The following ATM variants were observed in gnomAD, a reference collection of about 807,000 sequenced individuals.
ATM encodes serine-protein kinase ATM.
In ATM, 308 loss-of-function variants were observed where a neutral mutation model predicts 387.0. The observed-to-expected ratio is 0.80, with a 90% CI of 0.73 to 0.87. ATM has a LOEUF of 0.87. ATM is among the 40% of genes least tolerant of loss of function. The pLI, the probability that ATM is intolerant of heterozygous loss-of-function variation, is 0.00. For synonymous variants in ATM, 1,156 were observed against 1,187.3 expected, an observed-to-expected ratio of 0.97 and a Z score of 0.54; for missense variants, 3,312 against 3,560.9, an observed-to-expected ratio of 0.93 and a Z score of 1.78.
rs562933185 is a variant in ATM at position 108,367,601 on chromosome 11, G to A, written c.*2093G>A. The A allele has an allele frequency of 7.2e-5, 15 of 208,286 alleles. No individual in the cohort carries two copies. In the South Asian group the frequency reaches 2.4e-3, roughly 34 times the overall value. 12.9% of individuals were successfully genotyped at this position (208,286 alleles called of 1,614,324 possible). A position where few individuals can be genotyped will look rare whatever the true frequency, so the allele number is the denominator to read the frequency against. The stretch of plus-strand genomic sequence containing the variant: ...TGCGGAGATTAACAAATGGGTGATT[G>A]AGCTTTCTCCTCGTATTTGGACCTT... On this transcript the variant is annotated 3_prime_UTR_variant, in exon 63 of 63. Transcript: ENST00000675843.
In ATM at chr11:108,259,820, C is replaced by T. The variant is rs573110817; in HGVS notation, c.2466+745C>T. The stretch of plus-strand genomic sequence containing the variant: ...TACATTCTTTTTTCTGGAACACTGC[C>T]GGGCATACAAAGTAGTTATTGAAAT... On this transcript the variant is annotated intron_variant, in intron 16 of 62. Transcript: ENST00000675843. Among the ~76,000 whole-genome samples the T allele has an allele frequency of 2.8e-3, 428 of 152,172 alleles. 2 individuals are homozygous for T. Among genetic ancestry groups the T allele is most frequent in the African/African-American group, 8.5e-3 (354 of 41,524 alleles).
chr11:108,261,185 G>A (rs1435701309), intron 16 of ATM, among the ~76,000 whole-genome samples: 2 of 152,328 alleles, frequency 1.3e-5, no homozygotes, highest in Non-Finnish European at 2.9e-5. Context: ...TCTGGGGGCA[G>A]GGCACAAACA....
intron 37 of ATM, among the ~76,000 whole-genome samples, chr11:108,305,241 C>T (rs562571606): frequency 3.3e-5 from 5 of 152,246 alleles, no homozygotes; most frequent in East Asian, 1.9e-4. Context: ...GGTGCAGATA[C>T]GATAGAATTT....
chr11:108,229,600 C>A, intron 4 of ATM: 1 of 308,964 alleles, frequency 3.2e-6, no homozygotes, highest in Non-Finnish European at 5.9e-6. Flanking sequence ...GCACTCAGGC[C>A]AGCCTGATTT....
At chr11:108,268,278 A>G (rs2081371183) in intron 17 of ATM, 132 bp from the exon 18 acceptor site, 5 of 738,458 alleles carry the variant, frequency 6.8e-6, no homozygotes, top group South Asian at 3.3e-5. Context: ...AGCTTTCAGT[A>G]TATAATTAAT....
At position 108,310,454 on chromosome 11, in the gene ATM, T is replaced by A. The variant is rs1029725208; in HGVS notation, c.5918+139T>A. 4 of 785,410 alleles carry A rather than the reference T, an allele frequency of 5.1e-6. No homozygotes were observed. The African/African-American group carries it at 5.2e-5, about 10-fold the overall frequency. 48.7% of individuals were successfully genotyped at this position (785,410 alleles called of 1,614,324 possible). On this transcript the variant is annotated intron_variant, in intron 39 of 62. Coordinates refer to ENST00000675843, the MANE Select transcript of ATM (RefSeq NM_000051.4). Reference sequence around the variant, plus strand: ...TAGAAATTTTGTTTTAAAGTGAAATTATAATAAATTTTTAAAAAGGAATAT... The same window carrying A: ...TAGAAATTTTGTTTTAAAGTGAAATAATAATAAATTTTTAAAAAGGAATAT...
At chr11:108,279,174 C>A (rs763739297) in intron 22 of ATM, among the ~76,000 whole-genome samples, 2 of 152,144 alleles carry the variant, frequency 1.3e-5, no homozygotes, top group African/African-American at 4.8e-5. Flanking sequence ...AATTGGTGTT[C>A]GGCCAGAGAA....
intron 59 of ATM, among the ~76,000 whole-genome samples, chr11:108,351,038 C>G (rs1199948134): frequency 1.3e-5 from 2 of 152,078 alleles, no homozygotes; most frequent in Admixed American, 1.3e-4. Context: ...AATGGATGAA[C>G]AAATTGTCGT....
chr11:108,345,179 T>C (rs1335303184), intron 57 of ATM, among the ~76,000 whole-genome samples: 1 of 152,154 alleles, frequency 6.6e-6, no homozygotes, highest in East Asian at 1.9e-4. Flanking sequence ...AGATGCTGAA[T>C]GGGCAGCTTG....
At chr11:108,252,325 C>T (rs1019971322) in intron 11 of ATM, among the ~76,000 whole-genome samples, 2 of 152,082 alleles carry the variant, frequency 1.3e-5, no homozygotes, top group Middle Eastern at 3.4e-3. Context: ...TAAGTAAGTC[C>T]ATATATTTGA....
At chr11:108,227,562 A>G (rs1255921981) in intron 1 of ATM, 33 bp from the exon 2 acceptor site, 3 of 1,254,150 alleles carry the variant, frequency 2.4e-6, no homozygotes, top group Non-Finnish European at 3.5e-6. Flanking sequence ...ATATACATAT[A>G]CATATATATA....
intron 61 of ATM, among the ~76,000 whole-genome samples, chr11:108,363,113 T>G (rs868626567): frequency 1.3e-5 from 2 of 152,312 alleles, no homozygotes; most frequent in Middle Eastern, 3.4e-3. Context: ...CAAGAATAAT[T>G]TTCCCAGTGA....
intron 34 of ATM, among the ~76,000 whole-genome samples, chr11:108,300,918 T>C (rs182119458): frequency 7.0e-6 from 1 of 143,410 alleles, no homozygotes; most frequent in African/African-American, 2.5e-5. Flanking sequence ...GGTCTCGCTC[T>C]ATCACCCAGG....
At chr11:108,352,826 T>G (rs2089375881) in intron 59 of ATM, among the ~76,000 whole-genome samples, 1 of 152,200 alleles carries the variant, frequency 6.6e-6, no homozygotes, top group African/African-American at 2.4e-5. Flanking sequence ...TTACATACTG[T>G]ATGATTATTC....
chr11:108,341,497 G>A (rs1309602335), intron 56 of ATM, among the ~76,000 whole-genome samples: 1 of 152,020 alleles, frequency 6.6e-6, no homozygotes, highest in African/African-American at 2.4e-5. Flanking sequence ...CAGTGCCCTA[G>A]CCCTGTGTGT....
rs1340772119 is a variant in ATM, at chr11:108,329,270, G to A, written c.7307+32G>A. On this transcript the variant is annotated intron_variant, in intron 49 of 62. Coordinates refer to ENST00000675843, the MANE Select transcript of ATM (RefSeq NM_000051.4). ...AGGTTTCTACAAGTGACAATTTTAT[G>A]TTCACCAGTTAACTGAGTGAGTGTT... 6.4e-6 allele frequency: 10 copies of A among 1,559,328 alleles called. No individual in the cohort carries two copies. The highest frequency in any genetic ancestry group is 1.7e-4 in the Middle Eastern group (1 of 5,830).
intron 18 of ATM, among the ~76,000 whole-genome samples, chr11:108,269,029 A>G (rs1243828829): frequency 6.6e-6 from 1 of 152,110 alleles, no homozygotes; most frequent in Non-Finnish European, 1.5e-5. Flanking sequence ...GTTTTACCAT[A>G]TTTGCTTAAT....
chr11:108,365,049 T>G (rs746011368), intron 61 of ATM, 33 bp from the exon 62 acceptor site: 21 of 1,607,762 alleles, frequency 1.3e-5, no homozygotes, highest in Non-Finnish European at 1.7e-5. Context: ...AAATGTACAT[T>G]GTTCTTTTAA....
intron 13 of ATM, among the ~76,000 whole-genome samples, chr11:108,255,721 C>T (rs760379047): frequency 1.1e-4 from 17 of 152,270 alleles, no homozygotes; most frequent in Non-Finnish European, 2.1e-4. Context: ...CCACCATGCC[C>T]GGCCAGCTGT....
Sources: allele counts gnomAD v4.1 joint callset (sites outside exome capture counted in the v4.1 genomes callset), GRCh38; gene constraint gnomAD v4.1.1; transcripts MANE v1.5; gene names NCBI Gene and HGNC (gene_info 2026-07-23, HGNC 2026-07-21).